The following JPT1 variants were observed in gnomAD, a reference collection of about 807,000 sequenced individuals.
JPT1 encodes the protein Jupiter microtubule associated homolog 1, also known as androgen-regulated protein 2.
Under a neutral mutation model 17.0 loss-of-function variants are expected in JPT1, and 5 were observed. The ratio of observed to expected loss-of-function variants is 0.29; its 90% CI spans 0.15 to 0.62. JPT1 has a LOEUF of 0.62. JPT1 is among the 20% of genes least tolerant of loss of function. The pLI, the probability that JPT1 is intolerant of heterozygous loss-of-function variation, is 0.85. For synonymous variants in JPT1, 71 were observed against 73.6 expected (o/e 0.96, Z 0.18); for missense variants, 158 against 188.1 (o/e 0.84, Z 0.94).
chr17:75,137,324 T>TTCTG lies in JPT1; in HGVS notation c.317-1075_317-1074insCAGA, dbSNP rs1555650444. 1.7e-4 allele frequency among the ~76,000 whole-genome samples: 26 copies of TTCTG among 150,428 alleles called. No individual in the cohort carries two copies. The Admixed American group carries it at 1.7e-3, about 10-fold the overall frequency. On this transcript the variant is annotated intron_variant, in intron 4 of 4. Transcript: ENST00000409753. ...TTAATAGTATACATATTTTTAGTTT[T>TTCTG]TTTGTTTGTTTGTTTTTTGTGGAGG...
At position 75,154,403 on chromosome 17, in the gene JPT1, C is replaced by T. The variant is rs1011430107; in HGVS notation, c.-6G>A. On this transcript the variant is annotated 5_prime_UTR_variant, in exon 1 of 5. Coordinates refer to ENST00000409753, the MANE Select transcript of JPT1 (RefSeq NM_016185.4). ...AAGGTGGTGGTTGTGGTCATGGCGC[C>T]GAGGAGCGAGGTAGGCTGGCGCCGG... is the stretch of plus-strand genomic sequence containing the variant. The T allele has an allele frequency of 1.3e-6, 2 of 1,548,120 alleles. No individual in the cohort carries two copies. The highest frequency in any genetic ancestry group is 2.5e-5 in the East Asian group (1 of 40,542).
Position 75,135,960 on chromosome 17 carries a change from AAAG to A in JPT1, c.*139_*141del. 2 of 1,561,448 alleles carry A rather than the reference AAAG, an allele frequency of 1.3e-6. No individual in the cohort carries two copies. The highest frequency in any genetic ancestry group is 8.7e-7 in the Non-Finnish European group (1 of 1,155,152). ...AGGACAGAGAGAAACCTGTTCTTCA[AAAG>A]AAAAAAAAAAAAGACAGCAGTACAT... On this transcript the variant is annotated 3_prime_UTR_variant, in exon 5 of 5. Transcript: ENST00000409753.
intron 1 of JPT1, 90 bp from the exon 2 acceptor site, chr17:75,148,761 C>T (rs1411663159): frequency 6.9e-7 from 1 of 1,452,080 alleles, no homozygotes; most frequent in Admixed American, 2.0e-5. Context: ...TCACTTTCCT[C>T]ACCCATTCAT....
chr17:75,142,715 G>C lies in JPT1; in HGVS notation c.316+3951C>G. 8.8e-6 allele frequency: 4 copies of C among 452,824 alleles called. No homozygotes were observed. In the Middle Eastern group the frequency reaches 1.3e-3, roughly 151 times the overall value. 28.1% of individuals were successfully genotyped at this position (452,824 alleles called of 1,614,324 possible). On this transcript the variant is annotated intron_variant, in intron 4 of 4. Transcript: ENST00000409753. Reference sequence around the variant, plus strand: ...AGGGAGGGGAGGGGAAGGGAGAGGAGGGAAGAAGGAAGGAAGCAAGAAGTG... The same window carrying C: ...AGGGAGGGGAGGGGAAGGGAGAGGACGGAAGAAGGAAGGAAGCAAGAAGTG...
chr17:75,146,761 G>C, intron 3 of JPT1, 77 bp from the exon 4 acceptor site: 1 of 874,568 alleles, frequency 1.1e-6, no homozygotes, highest in Non-Finnish European at 1.8e-6. Context: ...GTTCATAGCA[G>C]CTAACATCTA....
At chr17:75,153,280 TCCA>T (rs1422207327) in intron 1 of JPT1, 2 of 152,090 alleles carry the variant, frequency 1.3e-5, no homozygotes, top group Non-Finnish European at 2.9e-5. Flanking sequence ...TCCAAACCCT[TCCA>T]CCAAGTAAGT....
chr17:75,143,647 C>A lies in JPT1; in HGVS notation c.316+3019G>T, dbSNP rs184291610. On this transcript the variant is annotated intron_variant, in intron 4 of 4. Transcript: ENST00000409753. ...GGTCAGGAGATCAAGACCAGCCTGGCCAACATGGCGAAACCCTGTCTCCAC... is the reference window on the plus strand; with the variant it reads ...GGTCAGGAGATCAAGACCAGCCTGGACAACATGGCGAAACCCTGTCTCCAC... 2.2e-3 allele frequency among the ~76,000 whole-genome samples: 329 copies of A among 151,710 alleles called. 2 individuals carry two copies. In the Middle Eastern group the frequency reaches 0.048, roughly 22 times the overall value.
In JPT1 at chr17:75,136,221, G is replaced by C. The variant is rs745919889; in HGVS notation, c.346C>G (p.Leu116Val). 6.2e-7 allele frequency: 1 copy of C among 1,602,718 alleles called. No homozygotes were observed. The highest frequency in any genetic ancestry group is 8.5e-7 in the Non-Finnish European group (1 of 1,172,664). The part of the protein sequence containing the change: ...ENVDTDLPGS[L>V]GQSEEKPVPA... ...ACGGGCTTCTCTTCACTCTGCCCCA[G>C]GCTGCCTGGCAAGTCTGTGTCCACA... Residue 116 changes from leucine to valine, a missense_variant, in exon 5 of 5, where the codon CTG (leucine) becomes GTG (valine). Transcript: ENST00000409753.
At chr17:75,140,393 G>A (rs1330583330) in intron 4 of JPT1, among the ~76,000 whole-genome samples, 2 of 152,074 alleles carry the variant, frequency 1.3e-5, no homozygotes, top group Non-Finnish European at 2.9e-5. Flanking sequence ...ATCTCTATCT[G>A]AATAGAAAAT....
In JPT1 at chr17:75,147,584, G is replaced by A. The variant is rs148356595; in HGVS notation, c.269C>T (p.Ala90Val). The A allele has an allele frequency of 6.2e-7, 1 of 1,613,766 alleles. No individual in the cohort carries two copies. The highest frequency in any genetic ancestry group is 8.5e-7 in the Non-Finnish European group (1 of 1,179,692). The change falls in exon 3 of 5, where the codon GCA becomes GTA. Residue 90 changes from alanine (A) to valine (V), a missense_variant. Physicochemically the swap from Ala to Val is moderately conservative, Grantham distance 64. Transcript: ENST00000409753. Reference protein sequence around the residue: ...SGLQRRNSSEASSGDFLDLKG... With the variant: ...SGLQRRNSSEVSSGDFLDLKG... ...CAGATCTAAGAAGTCTCCGGAGCTT[G>A]CTTCAGAGGAGTTCCTTCTCTGCAG...
In JPT1 at chr17:75,135,628, C is replaced by T. The variant is rs1304799474; in HGVS notation, c.*474G>A. ...GAGGCGCAGGCCTCTTCATTGTTCA[C>T]ATGTCACAGGAGGAGGCTCTGAGCA... On this transcript the variant is annotated 3_prime_UTR_variant, in exon 5 of 5. Transcript: ENST00000409753. The T allele has an allele frequency of 5.9e-6, 1 of 169,342 alleles. No homozygotes were observed. Among genetic ancestry groups the T allele is most frequent in the African/African-American group, 2.4e-5 (1 of 42,114 alleles). The allele number at this position is 169,342 out of a possible 1,614,324, so 10.5% of individuals were successfully genotyped here.
chr17:75,152,525 T>A (rs888310953), intron 1 of JPT1, among the ~76,000 whole-genome samples: 1 of 152,246 alleles, frequency 6.6e-6, no homozygotes, highest in African/African-American at 2.4e-5. Flanking sequence ...TGGAGGGAAA[T>A]TGATGACGAA....
chr17:75,153,572 G>C (rs998523839), intron 1 of JPT1: 67 of 152,414 alleles, frequency 4.4e-4, no homozygotes, highest in African/African-American at 1.5e-3. Flanking sequence ...AAACCCACTC[G>C]GGTTGGCTCG....
chr17:75,142,142 T>G (rs1457361433), intron 4 of JPT1, among the ~76,000 whole-genome samples: 1 of 152,164 alleles, frequency 6.6e-6, no homozygotes, highest in East Asian at 1.9e-4. Context: ...TATTGACACA[T>G]TGTTGACATA....
intron 1 of JPT1, 21 bp downstream of exon 1, chr17:75,154,321 G>T (rs1249108144): frequency 6.5e-7 from 1 of 1,539,254 alleles, no homozygotes; most frequent in Non-Finnish European, 8.7e-7. Context: ...GCGCGGCTCG[G>T]GCGCGACCCG....
chr17:75,135,908 T>C lies in JPT1; in HGVS notation c.*194A>G. The C allele has an allele frequency of 8.4e-7, 1 of 1,189,478 alleles. No homozygotes were observed. 73.7% of individuals were successfully genotyped at this position (1,189,478 alleles called of 1,614,324 possible). On this transcript the variant is annotated 3_prime_UTR_variant, in exon 5 of 5. Transcript: ENST00000409753. Reference sequence around the variant, plus strand: ...CCAATCTACTACTAGAAAACACTCATGCCATGGCCCACAGACCCAAGAGTC... The same window carrying C: ...CCAATCTACTACTAGAAAACACTCACGCCATGGCCCACAGACCCAAGAGTC...
chr17:75,143,940 T>C (rs1026626434), intron 4 of JPT1, among the ~76,000 whole-genome samples: 1 of 152,098 alleles, frequency 6.6e-6, no homozygotes, highest in Non-Finnish European at 1.5e-5. Context: ...GGAAGACTGC[T>C]TGAGTCCAGG....
chr17:75,136,290 G>C (rs375572593), intron 4 of JPT1, 40 bp from the exon 5 acceptor site: 7 of 1,500,484 alleles, frequency 4.7e-6, no homozygotes, highest in Non-Finnish European at 2.7e-6. Flanking sequence ...CATAATGACA[G>C]CCATTTCCTG....
At chr17:75,137,743 G>A (rs2074233867) in intron 4 of JPT1, among the ~76,000 whole-genome samples, 1 of 141,824 alleles carries the variant, frequency 7.1e-6, no homozygotes, top group Admixed American at 7.3e-5. Flanking sequence ...TGCCTCCTGG[G>A]TTCAAGCAAT....
Sources: allele counts gnomAD v4.1 joint callset (sites outside exome capture counted in the v4.1 genomes callset), GRCh38; gene constraint gnomAD v4.1.1; transcripts MANE v1.5; gene names NCBI Gene and HGNC (gene_info 2026-07-23, HGNC 2026-07-21).